HYOU1: variants seen among roughly 807,000 people sequenced by gnomAD.
HYOU1 encodes hypoxia up-regulated 1, also known as hypoxia up-regulated protein 1.
Under a neutral mutation model 120.5 loss-of-function variants are expected in HYOU1, and 40 were observed. The ratio of observed to expected loss-of-function variants is 0.33; its 90% CI spans 0.26 to 0.43. The LOEUF is 0.43. HYOU1 is among the 20% of genes least tolerant of loss of function. The pLI, the probability that HYOU1 is intolerant of heterozygous loss-of-function variation, is 1.00. For missense variants in HYOU1, 1,085 were observed against 1,278.3 expected, an observed-to-expected ratio of 0.85 and a Z score of 2.31; for synonymous variants, 501 against 479.4, an observed-to-expected ratio of 1.05 and a Z score of -0.59.
intron 24 of HYOU1, among the ~76,000 whole-genome samples, chr11:119,046,186 G>A (rs2133547895): frequency 2.0e-5 from 3 of 151,286 alleles, no homozygotes; most frequent in Admixed American, 6.6e-5. Flanking sequence ...GGCTGGTCTC[G>A]AACTCCTGAC....
intron 22 of HYOU1, 47 bp downstream of exon 22, chr11:119,047,687 C>G: frequency 6.7e-7 from 1 of 1,497,898 alleles, no homozygotes; most frequent in Non-Finnish European, 9.3e-7. Context: ...CCCACAGTAC[C>G]TAGGATGGCA....
chr11:119,045,461 C>T lies in HYOU1; in HGVS notation c.*132G>A, dbSNP rs1197903782. On this transcript the variant is annotated 3_prime_UTR_variant, in exon 26 of 26. Transcript: ENST00000617285. Reference sequence around the variant, plus strand: ...GTCCCTCCCTTCCCCTTCTCCACACCTCCAAATCACAGGGGTGAGAAAGGA... The same window carrying T: ...GTCCCTCCCTTCCCCTTCTCCACACTTCCAAATCACAGGGGTGAGAAAGGA... The T allele has an allele frequency of 1.2e-5, 10 of 831,320 alleles. No homozygotes were observed. The highest frequency in any genetic ancestry group is 2.1e-5 in the Non-Finnish European group (10 of 478,050). The allele number at this position is 831,320 out of a possible 1,614,324, so 51.5% of individuals were successfully genotyped here. A position where few individuals can be genotyped will look rare whatever the true frequency, so the allele number is the denominator to read the frequency against.
At chr11:119,054,748 G>T in intron 6 of HYOU1, 73 bp from the exon 7 acceptor site, 1 of 1,444,482 alleles carries the variant, frequency 6.9e-7, no homozygotes, top group Non-Finnish European at 9.5e-7. Context: ...GGTCACTAAT[G>T]ACATTTTGGA....
chr11:119,049,522 C>G, intron 16 of HYOU1, 34 bp downstream of exon 16: 2 of 1,609,214 alleles, frequency 1.2e-6, no homozygotes, highest in Middle Eastern at 1.7e-4. Flanking sequence ...CCCCCACCGT[C>G]CTCCATGCTT....
chr11:119,047,594 G>A, intron 22 of HYOU1, 140 bp downstream of exon 22: 4 of 724,622 alleles, frequency 5.5e-6, no homozygotes, highest in Non-Finnish European at 9.6e-6. Context: ...TCAGAGGTGG[G>A]CTCAAATACA....
In HYOU1 at chr11:119,052,727, C is replaced by A; in HGVS notation, c.897G>T (p.Val299=). Residue 299 remains valine (V), a synonymous_variant, in exon 9 of 26, where the codon GTG becomes GTT. Transcript: ENST00000617285. The surrounding 1 kb of genome is among the most constrained non-coding windows in gnomAD (Gnocchi z 5.0). The part of the protein sequence containing the change: ...EQRKGQRAKD[V]RENPRAMAKL... Reference sequence around the variant, plus strand: ...TGGCCATGGCACGCGGGTTCTCCCGCACATCCTTTGCTCTCTGACCCTTGC... The same window carrying A: ...TGGCCATGGCACGCGGGTTCTCCCGAACATCCTTTGCTCTCTGACCCTTGC... 6.2e-7 allele frequency: 1 copy of A among 1,614,236 alleles called. No individual in the cohort carries two copies. The highest frequency in any genetic ancestry group is 8.5e-7 in the Non-Finnish European group (1 of 1,180,038).
chr11:119,048,435 T>C lies in HYOU1; in HGVS notation c.2253+41A>G. On this transcript the variant is annotated intron_variant, in intron 19 of 25. Coordinates refer to ENST00000617285, the MANE Select transcript of HYOU1 (RefSeq NM_006389.5). The surrounding 1 kb of genome is among the most constrained non-coding windows in gnomAD (Gnocchi z 4.7). ...CAGAGGCAAGGCCCACAGAGCCAGGTGTAAGCCCAGTGGGGGGGCTGCTGC... is the reference window on the plus strand; with the variant it reads ...CAGAGGCAAGGCCCACAGAGCCAGGCGTAAGCCCAGTGGGGGGGCTGCTGC... The C allele has an allele frequency of 2.5e-6, 4 of 1,612,828 alleles. No individual in the cohort carries two copies. The highest frequency in any genetic ancestry group is 3.4e-6 in the Non-Finnish European group (4 of 1,179,772).
Position 119,045,466 on chromosome 11 carries a change from A to T in HYOU1, c.*127T>A. 1 of 851,356 alleles carries T rather than the reference A, an allele frequency of 1.2e-6. No homozygotes were observed. Among genetic ancestry groups the T allele is most frequent in the Non-Finnish European group, 2.0e-6 (1 of 494,422 alleles). 52.7% of individuals were successfully genotyped at this position (851,356 alleles called of 1,614,324 possible). ...TCCCTTCCCCTTCTCCACACCTCCA[A>T]ATCACAGGGGTGAGAAAGGAACTCC... On this transcript the variant is annotated 3_prime_UTR_variant, in exon 26 of 26. Transcript: ENST00000617285.
chr11:119,046,530 G>A (rs2133550697), intron 23 of HYOU1, 32 bp downstream of exon 23: 2 of 1,614,000 alleles, frequency 1.2e-6, no homozygotes, highest in South Asian at 2.2e-5. Context: ...TCCCTGTCCA[G>A]CAGAACATGC....
At position 119,052,008 on chromosome 11, in the gene HYOU1, C is replaced by T; in HGVS notation, c.1206-57G>A. 1 of 1,613,264 alleles carries T rather than the reference C, an allele frequency of 6.2e-7. No homozygotes were observed. Among genetic ancestry groups the T allele is most frequent in the Non-Finnish European group, 8.5e-7 (1 of 1,179,302 alleles). ...CCCTGGAGCATGCAACCGGGACTTC[C>T]CTCCCCTCAGCCCTCCAGCTGCTCA... On this transcript the variant is annotated intron_variant, in intron 11 of 25. Coordinates refer to ENST00000617285, the MANE Select transcript of HYOU1 (RefSeq NM_006389.5). This position sits in a 1 kb window ranked among gnomAD's most constrained non-coding sequence, Gnocchi z 5.0.
chr11:119,052,311 C>T lies in HYOU1; in HGVS notation c.1106G>A (p.Ser369Asn). The part of the protein sequence containing the change: ...VPGPVQQALQ[S>N]AEMSLDEIEQ... ...CTCGCTCACCAGACTCATTTCGGCA[C>T]TCTGGAGGGCCTGCTGTACAGGCCC... is the stretch of plus-strand genomic sequence containing the variant. The change falls in exon 10 of 26, where the codon AGT becomes AAT. Residue 369 changes from serine to asparagine, a missense_variant. Ser to Asn is a conservative substitution (Grantham distance 46). Around this residue, in one of 4 missense-constraint regions of HYOU1, gnomAD observed 515 missense variants for 677.8 expected, o/e 0.76. Coordinates refer to ENST00000617285, the MANE Select transcript of HYOU1 (RefSeq NM_006389.5). The surrounding 1 kb of genome is among the most constrained non-coding windows in gnomAD (Gnocchi z 5.0). 1 of 1,614,236 alleles carries T rather than the reference C, an allele frequency of 6.2e-7. No individual in the cohort carries two copies. The highest frequency in any genetic ancestry group is 1.3e-5 in the African/African-American group (1 of 75,066).
Position 119,046,790 on chromosome 11 carries a change from C to A in HYOU1, c.2608G>T (p.Ala870Ser). Reference sequence around the variant, plus strand: ...AGCTTAGCCTGCTCGGCCAGAGTTGCATTCTTCCAGGCCTGTGGGTGAGAC... The same window carrying A: ...AGCTTAGCCTGCTCGGCCAGAGTTGAATTCTTCCAGGCCTGTGGGTGAGAC... ...VINETWAWKN[A>S]TLAEQAKLPA... The change falls in exon 23 of 26, where the codon GCA becomes TCA. Residue 870 changes from alanine (A) to serine (S), a missense_variant. Ala to Ser is a moderately conservative substitution (Grantham distance 99). Around this residue, in one of 4 missense-constraint regions of HYOU1, gnomAD observed 516 missense variants for 517.1 expected, o/e 1.00. Transcript: ENST00000617285. 1 of 1,600,098 alleles carries A rather than the reference C, an allele frequency of 6.2e-7. No homozygotes were observed. Among genetic ancestry groups the A allele is most frequent in the Non-Finnish European group, 8.5e-7 (1 of 1,179,926 alleles).
chr11:119,046,511 G>A (rs1339314496), intron 23 of HYOU1, 44 bp from the exon 24 acceptor site: 4 of 1,614,168 alleles, frequency 2.5e-6, no homozygotes, highest in Admixed American at 1.7e-5. Context: ...GGAAGGAAAG[G>A]AGGCTGTCTC....
chr11:119,056,495 C>T (rs1944775022), intron 1 of HYOU1: 5 of 420,670 alleles, frequency 1.2e-5, no homozygotes, highest in South Asian at 9.2e-5. Context: ...CAGCACTGTG[C>T]CTGTTGTCAG....
At chr11:119,056,957 G>A (rs1435162262) in intron 1 of HYOU1, 63 bp downstream of exon 1, 2 of 152,884 alleles carry the variant, frequency 1.3e-5, no homozygotes, top group Admixed American at 6.5e-5. Context: ...CCCGCCCCCG[G>A]AGCTCGCACG....
In HYOU1 at chr11:119,048,286, T is replaced by C. The variant is rs1592136780; in HGVS notation, c.2338A>G (p.Thr780Ala). The C allele has an allele frequency of 6.2e-7, 1 of 1,611,458 alleles. No homozygotes were observed. Among genetic ancestry groups the C allele is most frequent in the Admixed American group, 1.7e-5 (1 of 60,000 alleles). Residue 780 changes from threonine (T) to alanine (A), a missense_variant, in exon 20 of 26, where the codon ACC (threonine) becomes GCC (alanine). Physicochemically the swap from Thr to Ala is moderately conservative, Grantham distance 58. Coordinates refer to ENST00000617285, the MANE Select transcript of HYOU1 (RefSeq NM_006389.5). This position sits in a 1 kb window ranked among gnomAD's most constrained non-coding sequence, Gnocchi z 4.7. ...CCAACACCCTCATCCTCCAGCCAGG[T>C]GGATGCGGCGCTGAGCTTCCCAGAG... is the stretch of plus-strand genomic sequence containing the variant. ...EISGKLSAAS[T>A]WLEDEGVGAT...
intron 6 of HYOU1, 64 bp from the exon 7 acceptor site, chr11:119,054,739 G>A: frequency 1.3e-6 from 2 of 1,497,848 alleles, no homozygotes; most frequent in Non-Finnish European, 1.8e-6. Context: ...TTCTAATCTG[G>A]TCACTAATGA....
intron 22 of HYOU1, 151 bp from the exon 23 acceptor site, chr11:119,046,953 T>C (rs2133554430): frequency 1.0e-6 from 1 of 998,326 alleles, no homozygotes; most frequent in South Asian, 1.6e-5. Context: ...AACAGACTCC[T>C]CAGAAGGGTA....
chr11:119,054,456 G>A, intron 7 of HYOU1, 38 bp downstream of exon 7: 3 of 1,601,916 alleles, frequency 1.9e-6, no homozygotes, highest in Non-Finnish European at 1.7e-6. Context: ...CTTAGATTCA[G>A]TCACCCTGCA....
Sources: gnomAD v4.1 joint callset for allele counts (sites outside exome capture counted in the v4.1 genomes callset) on GRCh38, gnomAD v4.1.1 for gene constraint, gnomAD v4.1.1 regional missense constraint, Gnocchi (gnomAD v3.1) non-coding constraint, MANE v1.5 for transcripts, NCBI Gene and HGNC (gene_info 2026-07-23, HGNC 2026-07-21) for gene names.